SRGAP3: variants seen among roughly 807,000 people sequenced by gnomAD.
SRGAP3 encodes SLIT-ROBO Rho GTPase-activating protein 3.
Under a neutral mutation model 121.1 loss-of-function variants are expected in SRGAP3, and 39 were observed. The ratio of observed to expected loss-of-function variants is 0.32; its 90% confidence interval spans 0.25 to 0.42. The LOEUF (loss-of-function observed/expected upper bound fraction) is 0.42, where lower values mean the gene tolerates loss of function less well. SRGAP3 is among the 10% of genes least tolerant of loss of function. SRGAP3 has a pLI of 1.00. For missense variants in SRGAP3, 1,213 were observed against 1,470.6 expected (o/e 0.82, Z 2.86); for synonymous variants, 601 against 570.0 (o/e 1.05, Z -0.77).
chr3:9,097,497 GC>G (rs1948033809), intron 3 of SRGAP3, among the ~76,000 whole-genome samples: 2 of 152,146 alleles, frequency 1.3e-5, no homozygotes, highest in Non-Finnish European at 2.9e-5. Flanking sequence ...TCCGGCCCCA[GC>G]CTTGGCCACT....
intron 2 of SRGAP3, among the ~76,000 whole-genome samples, chr3:9,120,353 C>T (rs1332109056): frequency 6.6e-6 from 1 of 152,212 alleles, no homozygotes; most frequent in East Asian, 1.9e-4. Flanking sequence ...TCAAAGGGCA[C>T]AGCCATGGGA....
chr3:9,341,389 C>G (rs553244930), intron 1 of SRGAP3, among the ~76,000 whole-genome samples: 1 of 152,210 alleles, frequency 6.6e-6, no homozygotes, highest in African/African-American at 2.4e-5. Context: ...GCTTAAAGCA[C>G]GAAGAAAAGA....
chr3:9,211,984 G>A (rs544381178), intron 1 of SRGAP3, among the ~76,000 whole-genome samples: 6 of 152,180 alleles, frequency 3.9e-5, no homozygotes, highest in East Asian at 3.9e-4. Context: ...CCTCAGCTCT[G>A]TCTTAATTTC....
At chr3:9,015,270 TA>T (rs1336153684) in intron 15 of SRGAP3, among the ~76,000 whole-genome samples, 1 of 149,738 alleles carries the variant, frequency 6.7e-6, no homozygotes. Flanking sequence ...CCACTGGGTC[TA>T]TGTCCCTTGC....
chr3:9,000,691 C>T (rs984125903), intron 18 of SRGAP3, among the ~76,000 whole-genome samples: 33 of 152,144 alleles, frequency 2.2e-4, no homozygotes, highest in African/African-American at 7.7e-4. Context: ...ATAAGACAGC[C>T]AGGAGAACTC....
intron 2 of SRGAP3, among the ~76,000 whole-genome samples, chr3:9,120,747 G>A (rs1315074095): frequency 1.3e-5 from 2 of 152,220 alleles, no homozygotes; most frequent in Non-Finnish European, 2.9e-5. Context: ...AAAGAGGTTT[G>A]TTAGAATTGG....
At chr3:9,056,130 G>A (rs890608084) in intron 8 of SRGAP3, 103 bp downstream of exon 8, 18 of 1,005,614 alleles carry the variant, frequency 1.8e-5, no homozygotes, top group African/African-American at 3.2e-5. Flanking sequence ...CATCTTATAA[G>A]TGGAACTATC....
chr3:9,026,361 A>G (rs1944200342), intron 13 of SRGAP3, among the ~76,000 whole-genome samples: 1 of 152,190 alleles, frequency 6.6e-6, no homozygotes, highest in African/African-American at 2.4e-5. Context: ...CAGGGCAGGC[A>G]TTGCACCTGT....
At chr3:9,273,106 C>T (rs960154951) in intron 3 of SRGAP3, among the ~76,000 whole-genome samples, 3 of 152,152 alleles carry the variant, frequency 2.0e-5, no homozygotes, top group African/African-American at 4.8e-5. Flanking sequence ...CACCTCAGAT[C>T]ATCAGGTATT....
chr3:9,039,649 T>C (rs1179694081), intron 10 of SRGAP3, among the ~76,000 whole-genome samples: 1 of 152,128 alleles, frequency 6.6e-6, no homozygotes, highest in Non-Finnish European at 1.5e-5. Context: ...TCCCTGTTCC[T>C]GCCTCCGGCC....
chr3:9,108,268 G>A (rs895721074), intron 2 of SRGAP3, among the ~76,000 whole-genome samples: 107 of 152,110 alleles, frequency 7.0e-4, no homozygotes, highest in African/African-American at 2.5e-3. Context: ...GGGGTAGCGC[G>A]TGGTACTCAT....
At chr3:9,315,995 G>T (rs1031510143) in intron 3 of SRGAP3, among the ~76,000 whole-genome samples, 2 of 152,156 alleles carry the variant, frequency 1.3e-5, no homozygotes, top group Admixed American at 1.3e-4. Context: ...CACGAAAGTG[G>T]ATCACAGGTT....
intron 3 of SRGAP3, among the ~76,000 whole-genome samples, chr3:9,319,418 G>A (rs1955404489): frequency 6.6e-6 from 1 of 151,864 alleles, no homozygotes; most frequent in Non-Finnish European, 1.5e-5. Flanking sequence ...GTGGACACAA[G>A]GCATAGAAAT....
intron 1 of SRGAP3, among the ~76,000 whole-genome samples, chr3:9,127,511 G>A (rs184528039): frequency 1.3e-5 from 2 of 152,118 alleles, no homozygotes; most frequent in Non-Finnish European, 2.9e-5. Flanking sequence ...GCAGCGGCCC[G>A]ATCTCCACTC....
intron 3 of SRGAP3, among the ~76,000 whole-genome samples, chr3:9,320,534 C>T (rs530605411): frequency 7.2e-4 from 109 of 152,028 alleles, no homozygotes; most frequent in Non-Finnish European, 1.2e-3. Context: ...ACGACTCGCT[C>T]CCCCTTTGCT....
At chr3:9,321,568 T>A (rs934453300) in intron 3 of SRGAP3, among the ~76,000 whole-genome samples, 1 of 151,902 alleles carries the variant, frequency 6.6e-6, no homozygotes, top group Non-Finnish European at 1.5e-5. Context: ...GTGACAGCAG[T>A]CGGGTTTGTC....
intron 3 of SRGAP3, among the ~76,000 whole-genome samples, chr3:9,303,471 T>A (rs1955103505): frequency 6.6e-6 from 1 of 151,536 alleles, no homozygotes; most frequent in African/African-American, 2.4e-5. Context: ...ACCCTCTTAA[T>A]GGATTTTCCA....
chr3:9,096,918 ATAT>A (rs1244886650), intron 3 of SRGAP3, among the ~76,000 whole-genome samples: 1 of 135,350 alleles, frequency 7.4e-6, no homozygotes, highest in East Asian at 2.1e-4. Context: ...AGCTAATTAT[ATAT>A]TTTTTACATT....
intron 3 of SRGAP3, among the ~76,000 whole-genome samples, chr3:9,305,363 CT>C (rs1210901472): frequency 0.17 from 16,367 of 96,762 alleles, 1,280 homozygotes; most frequent in African/African-American, 0.28. Flanking sequence ...GAGGTCCTCT[CT>C]TTTTTTTTTT....
Sources: gnomAD v4.1 joint callset for allele counts (sites outside exome capture counted in the v4.1 genomes callset) on GRCh38, gnomAD v4.1.1 for gene constraint, MANE v1.5 for transcripts, NCBI Gene and HGNC (gene_info 2026-07-23, HGNC 2026-07-21) for gene names.